The following SERINC3 variants were observed in gnomAD, a reference collection of about 807,000 sequenced individuals.
SERINC3 encodes serine incorporator 3.
Under a neutral mutation model 52.1 loss-of-function variants are expected in SERINC3, and 22 were observed. The ratio of observed to expected loss-of-function variants is 0.42; its 90% CI spans 0.30 to 0.60. SERINC3 has a LOEUF of 0.60. Ranked by LOEUF, SERINC3 falls within the 20% of genes least tolerant of loss-of-function variation. The pLI is 0.16. For missense variants in SERINC3, 564 were observed against 584.6 expected (o/e 0.96, Z 0.36); for synonymous variants, 226 against 212.7 (o/e 1.06, Z -0.54).
At position 44,522,013 on chromosome 20, in the gene SERINC3, C is replaced by A; in HGVS notation, c.-62G>T. On this transcript the variant is annotated 5_prime_UTR_variant, in exon 1 of 10. Transcript: ENST00000342374. ...TGCTTTCTAACACGGTGGTAACTGC[C>A]AGCTGAGGTGACTCCCCAGAAACAT... 1 of 1,511,946 alleles carries A rather than the reference C, an allele frequency of 6.6e-7. No individual in the cohort carries two copies. The highest frequency in any genetic ancestry group is 9.0e-7 in the Non-Finnish European group (1 of 1,109,514). 93.7% of individuals were successfully genotyped at this position (1,511,946 alleles called of 1,614,324 possible).
chr20:44,501,730 C>T (rs1344496556), intron 8 of SERINC3, among the ~76,000 whole-genome samples: 1 of 152,188 alleles, frequency 6.6e-6, no homozygotes, highest in Non-Finnish European at 1.5e-5. Context: ...CTTCCCACAG[C>T]TTCCTAGGCT....
Position 44,504,911 on chromosome 20 carries a change from A to G in SERINC3, c.784-20T>C. ...GTGTTCCTATGGAATCAAAAGGAAA[A>G]CAGTGGCACAGGGACTGCCAAGGGC... On this transcript the variant is annotated intron_variant, in intron 6 of 9. Coordinates refer to ENST00000342374, the MANE Select transcript of SERINC3 (RefSeq NM_006811.4). 6.2e-7 allele frequency: 1 copy of G among 1,601,482 alleles called. No homozygotes were observed. The highest frequency in any genetic ancestry group is 8.6e-7 in the Non-Finnish European group (1 of 1,169,292).
Position 44,509,895 on chromosome 20 carries a change from A to G in SERINC3, c.609T>C (p.Tyr203=), listed in dbSNP as rs1198178935. The part of the protein sequence containing the change: ...RMEEGNPRLW[Y]AALLSFTSAF... ...TAGGTGAGTAGAGATACCTACCAGC[A>G]TACCACAACCTTGGGTTTCCTTCTT... Residue 203 remains tyrosine, a synonymous_variant, in exon 5 of 10, where the codon TAT becomes TAC. Coordinates refer to ENST00000342374, the MANE Select transcript of SERINC3 (RefSeq NM_006811.4). 13 of 1,614,048 alleles carry G rather than the reference A, an allele frequency of 8.1e-6. No individual in the cohort carries two copies. Among genetic ancestry groups the G allele is most frequent in the Non-Finnish European group, 1.1e-5 (13 of 1,180,016 alleles).
At chr20:44,506,401 G>A (rs1402573143) in intron 6 of SERINC3, among the ~76,000 whole-genome samples, 1 of 151,210 alleles carries the variant, frequency 6.6e-6, no homozygotes, top group Non-Finnish European at 1.5e-5. Flanking sequence ...GCCTGGCCAA[G>A]ATGGTGAAAC....
At chr20:44,510,145 C>G in intron 4 of SERINC3, 117 bp from the exon 5 acceptor site, 1 of 929,690 alleles carries the variant, frequency 1.1e-6, no homozygotes, top group South Asian at 1.6e-5. Flanking sequence ...CATTCTGTCT[C>G]CAGCAGTACA....
chr20:44,500,129 TTC>T lies in SERINC3; in HGVS notation c.*165_*166del, dbSNP rs1475714504. ...TATACAGATAAATGAGAAGTTTCGA[TTC>T]TGCATCAAGCATTATTCAATCTCAC... On this transcript the variant is annotated 3_prime_UTR_variant, in exon 10 of 10. Transcript: ENST00000342374. 3 of 690,076 alleles carry T rather than the reference TTC, an allele frequency of 4.3e-6. No individual in the cohort carries two copies. The highest frequency in any genetic ancestry group is 7.1e-6 in the Non-Finnish European group (3 of 421,600). The allele number at this position is 690,076 out of a possible 1,614,324, so 42.7% of individuals were successfully genotyped here. A position where few individuals can be genotyped will look rare whatever the true frequency, so the allele number is the denominator to read the frequency against.
chr20:44,511,388 C>A lies in SERINC3; in HGVS notation c.396-20G>T. On this transcript the variant is annotated intron_variant, in intron 3 of 9. Coordinates refer to ENST00000342374, the MANE Select transcript of SERINC3 (RefSeq NM_006811.4). The stretch of plus-strand genomic sequence containing the variant: ...CAAAACCTATTAAAATATAAAAATG[C>A]ATTTATGAAATGCTAAGTTTCACCC... 6.5e-7 allele frequency: 1 copy of A among 1,535,296 alleles called. No homozygotes were observed. Among genetic ancestry groups the A allele is most frequent in the Non-Finnish European group, 9.0e-7 (1 of 1,108,992 alleles).
rs2064264514 is a variant in SERINC3, at chr20:44,499,116, CTAT to C, written c.*1177_*1179del. 1 of 152,350 alleles carries C rather than the reference CTAT, an allele frequency of 6.6e-6. No individual in the cohort carries two copies. Among genetic ancestry groups the C allele is most frequent in the Non-Finnish European group, 1.5e-5 (1 of 68,052 alleles). 9.4% of individuals were successfully genotyped at this position (152,350 alleles called of 1,614,324 possible). A position where few individuals can be genotyped will look rare whatever the true frequency, so the allele number is the denominator to read the frequency against. On this transcript the variant is annotated 3_prime_UTR_variant, in exon 10 of 10. Transcript: ENST00000342374. ...CAGCTCATTTGCTCTCTTCTCTAAG[CTAT>C]TAAAGTCCAAGACGGCAGAGCCTCT...
At position 44,501,123 on chromosome 20, in the gene SERINC3, C is replaced by A; in HGVS notation, c.1233G>T (p.Met411Ile). The A allele has an allele frequency of 6.2e-7, 1 of 1,614,088 alleles. No homozygotes were observed. Among genetic ancestry groups the A allele is most frequent in the Non-Finnish European group, 8.5e-7 (1 of 1,180,020 alleles). ...TGATGTACAAGGAAGCCAAGCAGAGCATGAGGTGGAATAAGGAGTAGCTAT... is the reference window on the plus strand; with the variant it reads ...TGATGTACAAGGAAGCCAAGCAGAGAATGAGGTGGAATAAGGAGTAGCTAT... ...VQYSYSLFHL[M>I]LCLASLYIMM... Residue 411 changes from methionine to isoleucine, a missense_variant, in exon 9 of 10, where the codon ATG becomes ATT. Physicochemically the swap from Met to Ile is conservative, Grantham distance 10. Transcript: ENST00000342374.
rs964026327 is a variant in SERINC3 at position 44,499,246 on chromosome 20, C to T, written c.*1050G>A. The T allele has an allele frequency of 2.0e-5, 3 of 152,322 alleles. No homozygotes were observed. Among genetic ancestry groups the T allele is most frequent in the Middle Eastern group, 3.2e-3 (1 of 316 alleles). The allele number at this position is 152,322 out of a possible 1,614,324, so 9.4% of individuals were successfully genotyped here. ...TTTTATTCTACCTTTTTGCACACCA[C>T]CTCTCATGAAAATGGTTCTTGACAA... On this transcript the variant is annotated 3_prime_UTR_variant, in exon 10 of 10. Transcript: ENST00000342374.
rs2064256808 is a variant in SERINC3, at chr20:44,497,849, A to G, written c.*2447T>C. 6.6e-6 allele frequency: 1 copy of G among 152,222 alleles called. No homozygotes were observed. The highest frequency in any genetic ancestry group is 6.5e-5 in the Admixed American group (1 of 15,284). The allele number at this position is 152,222 out of a possible 1,614,324, so 9.4% of individuals were successfully genotyped here. A position where few individuals can be genotyped will look rare whatever the true frequency, so the allele number is the denominator to read the frequency against. ...CCAGCCTCCATCAGATTCTGGCTAG[A>G]TATCTCTGACCTTTGAATATTGTCT... On this transcript the variant is annotated 3_prime_UTR_variant, in exon 10 of 10. Coordinates refer to ENST00000342374, the MANE Select transcript of SERINC3 (RefSeq NM_006811.4).
chr20:44,520,908 A>C (rs1200550460), intron 1 of SERINC3, among the ~76,000 whole-genome samples: 2 of 152,252 alleles, frequency 1.3e-5, no homozygotes, highest in African/African-American at 2.4e-5. Context: ...CAGGTAAAAC[A>C]ACCTGAGGCT....
chr20:44,513,204 G>A (rs541964958), intron 2 of SERINC3, among the ~76,000 whole-genome samples: 6 of 152,040 alleles, frequency 3.9e-5, no homozygotes, highest in East Asian at 1.9e-4. Flanking sequence ...ATGCTCTCTC[G>A]GCTGGGCACG....
chr20:44,506,320 G>A (rs766434861), intron 6 of SERINC3, among the ~76,000 whole-genome samples: 4 of 149,358 alleles, frequency 2.7e-5, no homozygotes, highest in Admixed American at 6.7e-5. Context: ...CCGGCCAGGC[G>A]TGGTGGCTCA....
In SERINC3 at chr20:44,500,385, C is replaced by T. The variant is rs768185547; in HGVS notation, c.1333G>A (p.Val445Ile). 2 of 1,595,130 alleles carry T rather than the reference C, an allele frequency of 1.3e-6. No individual in the cohort carries two copies. Among genetic ancestry groups the T allele is most frequent in the East Asian group, 2.3e-5 (1 of 44,426 alleles). The change falls in exon 10 of 10, where the codon GTC (valine) becomes ATC (isoleucine). Residue 445 changes from valine to isoleucine, a missense_variant. Physicochemically the swap from Val to Ile is conservative, Grantham distance 29 (BLOSUM62 3). Coordinates refer to ENST00000342374, the MANE Select transcript of SERINC3 (RefSeq NM_006811.4). ...CAGACCCAGCTGGAGCTGATCTTGA[C>T]CCACACAGCTGGCCACTTGCTGGTC... ...SMTSKWPAVW[V>I]KISSSWVCLL...
At chr20:44,506,021 C>G (rs866300719) in intron 6 of SERINC3, among the ~76,000 whole-genome samples, 5 of 152,122 alleles carry the variant, frequency 3.3e-5, no homozygotes, top group African/African-American at 1.2e-4. Context: ...TCATTCCCAG[C>G]CACATGCGGT....
At chr20:44,505,291 A>C (rs902699551) in intron 6 of SERINC3, among the ~76,000 whole-genome samples, 2 of 152,168 alleles carry the variant, frequency 1.3e-5, no homozygotes, top group South Asian at 4.1e-4. Flanking sequence ...TTCATATTTC[A>C]TATCTATAAC....
At chr20:44,506,620 A>AT (rs1190385021) in intron 6 of SERINC3, among the ~76,000 whole-genome samples, 1 of 143,396 alleles carries the variant, frequency 7.0e-6, no homozygotes, top group Non-Finnish European at 1.5e-5. Context: ...AGCACTATAA[A>AT]TTTTCAAGTT....
intron 5 of SERINC3, among the ~76,000 whole-genome samples, chr20:44,507,849 A>G (rs1035263251): frequency 1.3e-5 from 2 of 152,236 alleles, no homozygotes; most frequent in African/African-American, 4.8e-5. Flanking sequence ...AGCCTGGACA[A>G]CAGAACAAAA....
Sources: gnomAD v4.1 joint callset for allele counts (sites outside exome capture counted in the v4.1 genomes callset) on GRCh38, gnomAD v4.1.1 for gene constraint, MANE v1.5 for transcripts, NCBI Gene and HGNC (gene_info 2026-07-23, HGNC 2026-07-21) for gene names.